STPG2: variants seen among roughly 807,000 people sequenced by gnomAD.
STPG2 encodes the protein sperm-tail PG-rich repeat-containing protein 2.
Under a neutral mutation model 54.2 loss-of-function variants are expected in STPG2, and 56 were observed. The observed-to-expected ratio is 1.03, with a 90% CI of 0.83 to 1.29. STPG2 has a LOEUF of 1.29. Among genes scored for constraint, STPG2 ranks in the 50% most tolerant of loss-of-function variants. STPG2 has a pLI of 0.00. For synonymous variants in STPG2, 200 were observed against 181.8 expected, an observed-to-expected ratio of 1.10 and a Z score of -0.81; for missense variants, 596 against 544.9, an observed-to-expected ratio of 1.09 and a Z score of -0.93.
intron 8 of STPG2, among the ~76,000 whole-genome samples, chr4:97,873,565 T>C (rs1050961101): frequency 5.3e-5 from 8 of 150,760 alleles, no homozygotes; most frequent in Admixed American, 1.3e-4. Context: ...ATATGTAATG[T>C]TGTACAATCC....
intron 10 of STPG2, among the ~76,000 whole-genome samples, chr4:97,583,414 A>C (rs1259403275): frequency 6.6e-6 from 1 of 151,996 alleles, no homozygotes; most frequent in African/African-American, 2.4e-5. Context: ...GAATTAACAG[A>C]ACCTTTAAAA....
At chr4:98,111,990 CTCCCG>C (rs1354513702) in intron 3 of STPG2, among the ~76,000 whole-genome samples, 2 of 152,012 alleles carry the variant, frequency 1.3e-5, no homozygotes, top group East Asian at 3.9e-4. Context: ...ATACCATCAG[CTCCCG>C]TGGTTCTCAG....
intron 10 of STPG2, among the ~76,000 whole-genome samples, chr4:97,603,601 C>CTA (rs1733519377): frequency 6.6e-6 from 1 of 150,874 alleles, no homozygotes; most frequent in Non-Finnish European, 1.5e-5. Context: ...TGTGATATAT[C>CTA]TATATATATA....
chr4:97,758,554 T>G (rs1015048383), intron 9 of STPG2, among the ~76,000 whole-genome samples: 1 of 152,068 alleles, frequency 6.6e-6, no homozygotes, highest in Middle Eastern at 3.4e-3. Flanking sequence ...TTCTCACTCA[T>G]AAGTGGGAGC....
At chr4:97,603,575 G>A (rs1733518708) in intron 10 of STPG2, among the ~76,000 whole-genome samples, 1 of 151,406 alleles carries the variant, frequency 6.6e-6, no homozygotes, top group African/African-American at 2.4e-5. Flanking sequence ...ATCAACACAT[G>A]AATGGGTAAA....
intron 9 of STPG2, among the ~76,000 whole-genome samples, chr4:97,728,237 A>C (rs902297188): frequency 2.0e-5 from 3 of 152,038 alleles, no homozygotes; most frequent in African/African-American, 7.2e-5. Context: ...TCTCAGCAGC[A>C]TAGTGGCTGA....
At chr4:97,451,745 G>A (rs1388245072) in intron 4 of STPG2, among the ~76,000 whole-genome samples, 2 of 152,008 alleles carry the variant, frequency 1.3e-5, no homozygotes, top group African/African-American at 2.4e-5. Context: ...AAAATATAGT[G>A]GAATTGAGAG....
At chr4:97,839,019 G>C (rs1444106324) in intron 9 of STPG2, among the ~76,000 whole-genome samples, 3 of 151,498 alleles carry the variant, frequency 2.0e-5, no homozygotes, top group Non-Finnish European at 4.4e-5. Context: ...CTCTGCAGTT[G>C]TACAGTGACT....
At chr4:97,840,632 A>AC in intron 9 of STPG2, 141 bp downstream of exon 9, 1 of 841,804 alleles carries the variant, frequency 1.2e-6, no homozygotes, top group Non-Finnish European at 1.8e-6. Flanking sequence ...TTGTTACAGC[A>AC]CTGATGAGAA....
At chr4:97,632,198 C>T (rs933075059) in intron 10 of STPG2, among the ~76,000 whole-genome samples, 1 of 151,572 alleles carries the variant, frequency 6.6e-6, no homozygotes, top group Non-Finnish European at 1.5e-5. Context: ...CTTAAAATCA[C>T]TATCAAACTT....
intron 7 of STPG2, among the ~76,000 whole-genome samples, chr4:97,971,080 A>T (rs1560616184): frequency 1.3e-5 from 2 of 152,238 alleles, no homozygotes; most frequent in Admixed American, 6.5e-5. Context: ...TCATCAGAGA[A>T]ATGCAAATCA....
intron 10 of STPG2, among the ~76,000 whole-genome samples, chr4:97,593,791 GC>G (rs1365601691): frequency 6.6e-6 from 1 of 152,102 alleles, no homozygotes; most frequent in African/African-American, 2.4e-5. Context: ...GAACACCTCA[GC>G]CCCTCAAATG....
At chr4:97,952,667 T>C (rs1050972247) in intron 7 of STPG2, among the ~76,000 whole-genome samples, 17 of 152,100 alleles carry the variant, frequency 1.1e-4, no homozygotes, top group Non-Finnish European at 2.2e-4. Context: ...CCATCTCTGA[T>C]GGGGATGGCA....
At chr4:97,716,595 A>G (rs1393761761) in intron 9 of STPG2, among the ~76,000 whole-genome samples, 1 of 151,892 alleles carries the variant, frequency 6.6e-6, no homozygotes, top group Non-Finnish European at 1.5e-5. Flanking sequence ...AAACTAACAC[A>G]GGAACAGAAA....
intron 10 of STPG2, among the ~76,000 whole-genome samples, chr4:97,571,795 A>C (rs893109019): frequency 1.3e-5 from 2 of 152,174 alleles, no homozygotes; most frequent in African/African-American, 4.8e-5. Flanking sequence ...GGGTTGTGTC[A>C]TGGGCCATGG....
chr4:97,477,643 A>ATTTTT (rs561080941), intron 4 of STPG2, among the ~76,000 whole-genome samples: 3 of 141,206 alleles, frequency 2.1e-5, no homozygotes, highest in Non-Finnish European at 4.7e-5. Flanking sequence ...TGCCCGGCTA[A>ATTTTT]TTTTTTTTTT....
intron 3 of STPG2, among the ~76,000 whole-genome samples, chr4:98,116,263 T>A (rs1001933883): frequency 4.1e-5 from 6 of 147,490 alleles, no homozygotes; most frequent in Non-Finnish European, 9.1e-5. Flanking sequence ...AAAAAAAAAA[T>A]AGCTTAAAGC....
At chr4:97,568,167 T>TA (rs1732503487) in intron 10 of STPG2, among the ~76,000 whole-genome samples, 1 of 152,114 alleles carries the variant, frequency 6.6e-6, no homozygotes, top group Non-Finnish European at 1.5e-5. Flanking sequence ...GAACATACTT[T>TA]AAAAAAAATT....
At chr4:97,797,818 G>C (rs1399082961) in intron 9 of STPG2, among the ~76,000 whole-genome samples, 1 of 152,084 alleles carries the variant, frequency 6.6e-6, no homozygotes, top group Non-Finnish European at 1.5e-5. Flanking sequence ...GTCTGGTCCT[G>C]GACTTTTTTT....
Sources: allele counts gnomAD v4.1 joint callset (sites outside exome capture counted in the v4.1 genomes callset), GRCh38; gene constraint gnomAD v4.1.1; transcripts MANE v1.5; gene names NCBI Gene and HGNC (gene_info 2026-07-23, HGNC 2026-07-21).